Variants in GRM8 observed in about 807,000 individuals in gnomAD.
GRM8 encodes the protein glutamate metabotropic receptor 8, also known as metabotropic glutamate receptor 8.
GRM8 carries 47 observed loss-of-function variants against 87.2 expected under a neutral mutation model. That is an observed-to-expected ratio of 0.54 (90% CI 0.43 to 0.69). GRM8 has a LOEUF of 0.69. Ranked by LOEUF, GRM8 falls within the 30% of genes least tolerant of loss-of-function variation. The pLI, the probability that GRM8 is intolerant of heterozygous loss-of-function variation, is 0.00. For synonymous variants in GRM8, 396 were observed against 404.5 expected (o/e 0.98, Z 0.25); for missense variants, 1,019 against 1,139.2 (o/e 0.89, Z 1.52).
chr7:126,974,626 T>C (rs1222525469), intron 3 of GRM8, among the ~76,000 whole-genome samples: 2 of 152,102 alleles, frequency 1.3e-5, no homozygotes, highest in African/African-American at 4.8e-5. Context: ...TGATGTGCAA[T>C]TCTGATTAAA....
intron 7 of GRM8, among the ~76,000 whole-genome samples, chr7:126,662,061 C>T (rs1805238954): frequency 6.6e-6 from 1 of 152,084 alleles, no homozygotes; most frequent in South Asian, 2.1e-4. Context: ...ATAATAAATA[C>T]CTTAAGATTT....
intron 6 of GRM8, among the ~76,000 whole-genome samples, chr7:126,879,270 T>C (rs1799821130): frequency 1.3e-5 from 2 of 152,098 alleles, no homozygotes; most frequent in South Asian, 4.1e-4. Flanking sequence ...ATTCAAGTTT[T>C]CAGTGCTTTT....
chr7:126,823,540 T>C (rs1025914754), intron 6 of GRM8, among the ~76,000 whole-genome samples: 2 of 152,240 alleles, frequency 1.3e-5, no homozygotes, highest in African/African-American at 2.4e-5. Flanking sequence ...AGGGGCCACA[T>C]ATGTAATTTT....
chr7:126,734,299 T>A (rs1157954697), intron 7 of GRM8, among the ~76,000 whole-genome samples: 1 of 151,918 alleles, frequency 6.6e-6, no homozygotes, highest in Non-Finnish European at 1.5e-5. Context: ...TGTATTTATA[T>A]GTTCAAAAAC....
chr7:127,028,397 CAGA>C (rs1817018057), intron 3 of GRM8, among the ~76,000 whole-genome samples: 1 of 152,122 alleles, frequency 6.6e-6, no homozygotes, highest in Non-Finnish European at 1.5e-5. Flanking sequence ...GGAATAGTTT[CAGA>C]AGGAGTGGTA....
intron 6 of GRM8, among the ~76,000 whole-genome samples, chr7:126,824,397 A>G (rs2130243430): frequency 6.6e-6 from 1 of 152,356 alleles, no homozygotes; most frequent in South Asian, 2.1e-4. Context: ...AATAAAATGT[A>G]CTGTGCTTTA....
chr7:126,657,941 C>T (rs74697387), intron 7 of GRM8, among the ~76,000 whole-genome samples: 27,085 of 152,086 alleles, frequency 0.18, 2,660 homozygotes, highest in South Asian at 0.23. Flanking sequence ...AAGCCGGAAA[C>T]GACAAACTAA....
chr7:126,533,844 G>A lies in GRM8; in HGVS notation c.1538C>T (p.Ala513Val), dbSNP rs112220743. The A allele has an allele frequency of 2.7e-4, 436 of 1,613,940 alleles. 1 individual carries two copies. The African/African-American group carries it at 5.2e-3, about 19-fold the overall frequency. ...CTTACACGGCAGGCTGCAGACAGAC[G>A]CCGGGTGAGTATGTTCTCTATGAGC... ...QWAHREHTHP[A>V]SVCSLPCKPG... The change falls in exon 9 of 11, where the codon GCG becomes GTG. Residue 513 changes from alanine (A) to valine (V), a missense_variant. By Grantham distance (64) the Ala-to-Val change is moderately conservative (BLOSUM62 0). Coordinates refer to ENST00000339582, the MANE Select transcript of GRM8 (RefSeq NM_000845.3).
intron 7 of GRM8, among the ~76,000 whole-genome samples, chr7:126,756,341 C>G (rs914410866): frequency 1.3e-5 from 2 of 152,002 alleles, no homozygotes; most frequent in Non-Finnish European, 2.9e-5. Context: ...AGAAGAAAGT[C>G]TAAATCACAC....
chr7:127,141,068 A>T lies in GRM8; in HGVS notation c.511-34356T>A, dbSNP rs1047272840. Among the ~76,000 whole-genome samples, 4 of 152,046 alleles carry T rather than the reference A, an allele frequency of 2.6e-5. No homozygotes were observed. In the East Asian group the frequency reaches 7.7e-4, roughly 29 times the overall value. ...GAATTCCAAATATTACCTTCTTTGG[A>T]GGTGACCATCACTGAGCTTCCACAA... On this transcript the variant is annotated intron_variant, in intron 2 of 10. Coordinates refer to ENST00000339582, the MANE Select transcript of GRM8 (RefSeq NM_000845.3).
intron 3 of GRM8, among the ~76,000 whole-genome samples, chr7:127,003,204 T>G (rs559688183): frequency 5.3e-5 from 8 of 151,848 alleles, no homozygotes; most frequent in African/African-American, 1.9e-4. Context: ...AGCATGATTA[T>G]TTTTGCATGG....
intron 3 of GRM8, among the ~76,000 whole-genome samples, chr7:127,104,725 A>G (rs1825654487): frequency 6.6e-6 from 1 of 152,216 alleles, no homozygotes. Context: ...ATTTTCTCCC[A>G]TGCTAATGAC....
At chr7:127,137,449 T>A (rs898586074) in intron 2 of GRM8, among the ~76,000 whole-genome samples, 1 of 152,130 alleles carries the variant, frequency 6.6e-6, no homozygotes, top group East Asian at 1.9e-4. Flanking sequence ...ACATAGCATA[T>A]AATAGAAACT....
intron 6 of GRM8, among the ~76,000 whole-genome samples, chr7:126,884,127 T>C (rs1283427030): frequency 1.3e-5 from 2 of 152,104 alleles, no homozygotes; most frequent in Non-Finnish European, 2.9e-5. Context: ...TGAGCACTGG[T>C]TAACACTATG....
intron 7 of GRM8, among the ~76,000 whole-genome samples, chr7:126,646,655 C>T (rs1803129973): frequency 6.6e-6 from 1 of 152,156 alleles, no homozygotes; most frequent in Admixed American, 6.6e-5. Flanking sequence ...ATCCAAGGCT[C>T]ACCACACACT....
chr7:126,985,216 C>T (rs1811933023), intron 3 of GRM8, among the ~76,000 whole-genome samples: 1 of 152,092 alleles, frequency 6.6e-6, no homozygotes, highest in African/African-American at 2.4e-5. Context: ...TGTCTTTTTC[C>T]ACAGGGTATA....
chr7:126,467,587 T>C (rs1235077968), intron 9 of GRM8, among the ~76,000 whole-genome samples: 2 of 152,154 alleles, frequency 1.3e-5, no homozygotes, highest in African/African-American at 4.8e-5. Context: ...CTCTTTTACA[T>C]CTGTATTTAT....
intron 9 of GRM8, among the ~76,000 whole-genome samples, chr7:126,527,453 G>A (rs1460595126): frequency 6.6e-6 from 1 of 152,214 alleles, no homozygotes; most frequent in Non-Finnish European, 1.5e-5. Flanking sequence ...AACATACAAT[G>A]TGGATACTGA....
intron 8 of GRM8, among the ~76,000 whole-genome samples, chr7:126,542,665 A>G (rs927279431): frequency 1.3e-5 from 2 of 152,258 alleles, no homozygotes; most frequent in African/African-American, 4.8e-5. Context: ...CAGTGACCAT[A>G]TAACGAAGGG....
Sources: allele counts gnomAD v4.1 joint callset (sites outside exome capture counted in the v4.1 genomes callset), GRCh38; gene constraint gnomAD v4.1.1; transcripts MANE v1.5; gene names NCBI Gene and HGNC (gene_info 2026-07-23, HGNC 2026-07-21).